The following KHDRBS2 variants were observed in gnomAD, a reference collection of about 807,000 sequenced individuals.
KHDRBS2 encodes KH RNA binding domain containing, signal transduction associated 2.
In KHDRBS2, 26 loss-of-function variants were observed where a neutral mutation model predicts 44.3. The observed-to-expected ratio is 0.59, with a 90% CI of 0.43 to 0.81. KHDRBS2 has a LOEUF of 0.81. KHDRBS2 is among the 40% of genes least tolerant of loss of function. The pLI is 0.00. For synonymous variants in KHDRBS2, 194 were observed against 151.1 expected (o/e 1.28, Z -2.08); for missense variants, 476 against 433.1 (o/e 1.10, Z -0.88).
the KHDRBS2 span, among the ~76,000 whole-genome samples, chr6:61,662,381 A>G: frequency 6.6e-6 from 1 of 151,146 alleles, no homozygotes; most frequent in Non-Finnish European, 1.5e-5. Flanking sequence ...TGGCAACAAA[A>G]GCCAAAATTG....
chr6:62,283,893 A>G (rs1304796554), intron 1 of KHDRBS2, among the ~76,000 whole-genome samples: 4 of 152,040 alleles, frequency 2.6e-5, no homozygotes, highest in Non-Finnish European at 5.9e-5. Context: ...AACCTCCTCC[A>G]TTCTCTTTTC....
At chr6:62,277,865 T>A (rs1228849376) in intron 1 of KHDRBS2, among the ~76,000 whole-genome samples, 43 of 152,186 alleles carry the variant, frequency 2.8e-4, no homozygotes, top group Non-Finnish European at 2.9e-5. Context: ...ACTTCTTTCC[T>A]CCAAAAAAGT....
chr6:62,002,494 A>G (rs1212324845), intron 3 of KHDRBS2, among the ~76,000 whole-genome samples: 1 of 151,558 alleles, frequency 6.6e-6, no homozygotes, highest in Non-Finnish European at 1.5e-5. Flanking sequence ...TAATAGTTAT[A>G]AAATTATTTA....
chr6:62,050,429 T>TAA (rs34093577), intron 2 of KHDRBS2, among the ~76,000 whole-genome samples: 43 of 146,878 alleles, frequency 2.9e-4, no homozygotes, highest in Non-Finnish European at 4.9e-4. Context: ...AACTTAAAGT[T>TAA]AAAAAAAAAA....
intron 2 of KHDRBS2, among the ~76,000 whole-genome samples, chr6:62,071,606 C>T (rs1795109263): frequency 6.6e-6 from 1 of 152,110 alleles, no homozygotes; most frequent in Admixed American, 6.6e-5. Flanking sequence ...GAATCCTTTC[C>T]CCATTGCTTG....
intron 2 of KHDRBS2, among the ~76,000 whole-genome samples, chr6:62,048,331 T>C (rs960454953): frequency 1.3e-5 from 2 of 151,944 alleles, no homozygotes; most frequent in Non-Finnish European, 2.9e-5. Context: ...ACAGAATTTC[T>C]AAAGGCTTTT....
chr6:61,916,033 T>A (rs1253502137), intron 4 of KHDRBS2, among the ~76,000 whole-genome samples: 3 of 152,026 alleles, frequency 2.0e-5, no homozygotes, highest in Non-Finnish European at 2.9e-5. Context: ...GATTCTTATT[T>A]TGTAATGGTC....
chr6:61,647,232 A>G, the KHDRBS2 span, among the ~76,000 whole-genome samples: 1 of 152,206 alleles, frequency 6.6e-6, no homozygotes, highest in Admixed American at 6.5e-5. Context: ...AGTATTTTAT[A>G]TATGGTAAAT....
the KHDRBS2 span, among the ~76,000 whole-genome samples, chr6:61,570,547 T>C: frequency 6.6e-6 from 1 of 152,022 alleles, no homozygotes; most frequent in Non-Finnish European, 1.5e-5. Context: ...CTAGACATCA[T>C]CTAAATACAA....
intron 2 of KHDRBS2, among the ~76,000 whole-genome samples, chr6:62,152,027 T>C (rs993358840): frequency 6.6e-6 from 1 of 152,142 alleles, no homozygotes; most frequent in Non-Finnish European, 1.5e-5. Context: ...ACGGAAATAA[T>C]AGTGCTTACT....
At chr6:61,699,610 T>C (rs912861179) in intron 7 of KHDRBS2, among the ~76,000 whole-genome samples, 4 of 152,044 alleles carry the variant, frequency 2.6e-5, no homozygotes, top group African/African-American at 9.7e-5. Context: ...AATGTGGTTA[T>C]TATTATCCCA....
intron 6 of KHDRBS2, among the ~76,000 whole-genome samples, chr6:61,868,525 A>G (rs1436789890): frequency 6.6e-6 from 1 of 152,176 alleles, no homozygotes; most frequent in Admixed American, 6.5e-5. Flanking sequence ...TGGAGGCCCC[A>G]GCTGGGAGGT....
intron 6 of KHDRBS2, among the ~76,000 whole-genome samples, chr6:61,804,804 G>A (rs1357143459): frequency 6.6e-6 from 1 of 152,180 alleles, no homozygotes; most frequent in Admixed American, 6.6e-5. Context: ...GCACAAAGAA[G>A]CAAGACCCTG....
chr6:61,699,277 AAATTT>A (rs925557008), intron 7 of KHDRBS2, among the ~76,000 whole-genome samples: 3 of 151,952 alleles, frequency 2.0e-5, no homozygotes, highest in Non-Finnish European at 2.9e-5. Context: ...TGCAAAAGAG[AAATTT>A]AATTTAATTT....
rs187468796 is a variant in KHDRBS2 at position 62,214,624 on chromosome 6, C to G, written c.92-37312G>C. Among the ~76,000 whole-genome samples the G allele has an allele frequency of 3.4e-4, 51 of 151,948 alleles. 1 individual carries two copies. The highest frequency in any genetic ancestry group is 1.0e-3 in the African/African-American group (43 of 41,508). On this transcript the variant is annotated intron_variant, in intron 1 of 8. Coordinates refer to ENST00000281156, the MANE Select transcript of KHDRBS2 (RefSeq NM_152688.4). ...ACAAACAATATTTTTACCCACATCT[C>G]TCTGACCAGAACTCATTCACATGAC...
chr6:61,637,772 C>A, the KHDRBS2 span, among the ~76,000 whole-genome samples: 1 of 152,114 alleles, frequency 6.6e-6, no homozygotes, highest in Non-Finnish European at 1.5e-5. Flanking sequence ...ATTTGCATTT[C>A]TCTGATGGCC....
At chr6:61,609,464 G>A in the KHDRBS2 span, among the ~76,000 whole-genome samples, 61 of 152,260 alleles carry the variant, frequency 4.0e-4, 1 homozygote, top group Middle Eastern at 3.4e-3. Context: ...TATAATGTTG[G>A]TGAATCCCTT....
rs115275838 is a variant in KHDRBS2 at position 61,996,668 on chromosome 6, T to A, written c.337-18456A>T. 5.5e-3 allele frequency among the ~76,000 whole-genome samples: 844 copies of A among 152,296 alleles called. 10 individuals carry two copies. Among genetic ancestry groups the A allele is most frequent in the African/African-American group, 0.019 (795 of 41,568 alleles). On this transcript the variant is annotated intron_variant, in intron 3 of 8. Transcript: ENST00000281156. ...TTTCTCTAAATTGAATTAAGCCCAA[T>A]TGAACTTTTTACTTTAACCTATTGC...
At chr6:61,944,214 G>A (rs186913167) in intron 4 of KHDRBS2, among the ~76,000 whole-genome samples, 26 of 152,250 alleles carry the variant, frequency 1.7e-4, no homozygotes, top group African/African-American at 5.3e-4. Context: ...GAACTTGGAC[G>A]TTTATTGTAG....
Sources: allele counts gnomAD v4.1 joint callset (sites outside exome capture counted in the v4.1 genomes callset), GRCh38; gene constraint gnomAD v4.1.1; transcripts MANE v1.5; gene names NCBI Gene and HGNC (gene_info 2026-07-23, HGNC 2026-07-21).